Variants in NEBL observed in about 807,000 individuals in gnomAD.
NEBL encodes the protein LIM and SH3 protein 2.
NEBL carries 122 observed loss-of-function variants against 140.2 expected under a neutral mutation model. That is an observed-to-expected ratio of 0.87 (90% confidence interval 0.75 to 1.01). NEBL has a LOEUF of 1.01. Ranked by LOEUF, NEBL falls within the 50% of genes least tolerant of loss-of-function variation. NEBL has a pLI of 0.00. For missense variants in NEBL, 1,365 were observed against 1,231.3 expected, an observed-to-expected ratio of 1.11 and a Z score of -1.62; for synonymous variants, 436 against 398.9, an observed-to-expected ratio of 1.09 and a Z score of -1.11.
At chr10:20,859,435 C>A (rs1490526483) in intron 8 of NEBL, among the ~76,000 whole-genome samples, 5 of 151,864 alleles carry the variant, frequency 3.3e-5, no homozygotes, top group Non-Finnish European at 7.4e-5. Flanking sequence ...TAATACAGAC[C>A]ACTTCTCTGC....
chr10:21,029,536 G>A, intron 2 of NEBL: 3 of 1,607,642 alleles, frequency 1.9e-6, no homozygotes, highest in Non-Finnish European at 2.5e-6. Context: ...TACAGACAGG[G>A]ACGATCGTTC....
intron 1 of NEBL, among the ~76,000 whole-genome samples, chr10:21,292,197 G>C (rs553401995): frequency 4.6e-5 from 7 of 152,088 alleles, no homozygotes; most frequent in Non-Finnish European, 1.0e-4. Flanking sequence ...GCTAATTTAA[G>C]GCTCTGCTTT....
intron 3 of NEBL, among the ~76,000 whole-genome samples, chr10:20,995,046 A>G (rs11012468): frequency 0.12 from 18,589 of 152,224 alleles, 2,129 homozygotes; most frequent in East Asian, 0.38. Context: ...ACCTCTCCCA[A>G]AAGCCAACCA....
intron 2 of NEBL, among the ~76,000 whole-genome samples, chr10:21,170,082 CTAAGCAA>C (rs1841008489): frequency 6.6e-6 from 1 of 152,218 alleles, no homozygotes; most frequent in Non-Finnish European, 1.5e-5. Context: ...TGAACTCGAA[CTAAGCAA>C]TAAGCACTAA....
At chr10:20,908,155 C>G (rs1848180694) in intron 4 of NEBL, among the ~76,000 whole-genome samples, 1 of 152,128 alleles carries the variant, frequency 6.6e-6, no homozygotes, top group Non-Finnish European at 1.5e-5. Context: ...TTCAGACACC[C>G]ATTTCACAGA....
At chr10:20,939,633 G>C (rs1335363100) in intron 4 of NEBL, among the ~76,000 whole-genome samples, 5 of 152,240 alleles carry the variant, frequency 3.3e-5, no homozygotes, top group Admixed American at 6.5e-5. Flanking sequence ...AAAAGGCACA[G>C]ACTGGCAAAT....
At chr10:20,893,392 C>G (rs1219721087) in intron 2 of NEBL, among the ~76,000 whole-genome samples, 1 of 152,076 alleles carries the variant, frequency 6.6e-6, no homozygotes, top group African/African-American at 2.4e-5. Flanking sequence ...ATGTGATTAA[C>G]AGAAAAATAA....
chr10:21,005,772 T>A (rs1838113112), intron 3 of NEBL, among the ~76,000 whole-genome samples: 1 of 152,006 alleles, frequency 6.6e-6, no homozygotes, highest in African/African-American at 2.4e-5. Context: ...ACTATTTTAT[T>A]TATTTTTACA....
In NEBL at chr10:20,800,347, A is replaced by AC. The variant is rs141819325; in HGVS notation, c.2761+8162dup. Among the ~76,000 whole-genome samples the AC allele has an allele frequency of 3.0e-3, 455 of 152,242 alleles. 10 individuals carry two copies. The East Asian group carries it at 0.064, about 21-fold the overall frequency. Reference sequence around the variant, plus strand: ...AATATTCCATTGTATGTGTATATATACACATTTTCTTTACCCATTCATCCT... The same window carrying AC: ...AATATTCCATTGTATGTGTATATATACCACATTTTCTTTACCCATTCATCCT... On this transcript the variant is annotated intron_variant, in intron 26 of 27. Coordinates refer to ENST00000377122, the MANE Select transcript of NEBL (RefSeq NM_006393.3).
intron 2 of NEBL, among the ~76,000 whole-genome samples, chr10:21,133,440 G>A (rs1589268011): frequency 6.6e-6 from 1 of 152,130 alleles, no homozygotes; most frequent in Admixed American, 6.6e-5. Context: ...AGTCCATAAG[G>A]GGTTGATGAA....
At chr10:20,823,622 A>G (rs892514581) in intron 18 of NEBL, among the ~76,000 whole-genome samples, 6 of 152,190 alleles carry the variant, frequency 3.9e-5, no homozygotes, top group Non-Finnish European at 8.8e-5. Flanking sequence ...AAATAAAATG[A>G]TTATTTTCTA....
In NEBL at chr10:21,032,946, G is replaced by A. The variant is rs118130458; in HGVS notation, c.165-12745C>T. On this transcript the variant is annotated intron_variant, in intron 2 of 6. Transcript: ENST00000417816. ...AACCTGACCTACCCTACTATGAAAT[G>A]CTTATCGGCTATTGAAACATGTCAC... is the stretch of plus-strand genomic sequence containing the variant. Among the ~76,000 whole-genome samples, 1,123 of 152,288 alleles carry A rather than the reference G, an allele frequency of 7.4e-3. 42 individuals are homozygous for A. The East Asian group carries it at 0.089, about 12-fold the overall frequency.
At chr10:21,231,430 C>G (rs1358018065) in intron 3 of NEBL, among the ~76,000 whole-genome samples, 1 of 152,008 alleles carries the variant, frequency 6.6e-6, no homozygotes, top group African/African-American at 2.4e-5. Context: ...ATCCCAGCTA[C>G]TCGGAAGGCT....
At chr10:20,921,123 T>C (rs1368126219) in intron 4 of NEBL, among the ~76,000 whole-genome samples, 2 of 152,212 alleles carry the variant, frequency 1.3e-5, no homozygotes, top group Non-Finnish European at 2.9e-5. Context: ...AGTGAAGTTA[T>C]GCCTTTTCCT....
intron 26 of NEBL, among the ~76,000 whole-genome samples, chr10:20,793,106 T>G (rs1306470789): frequency 6.6e-6 from 1 of 152,168 alleles, no homozygotes; most frequent in Non-Finnish European, 1.5e-5. Flanking sequence ...CCAGATTGCC[T>G]CTAGATTTTA....
intron 2 of NEBL, among the ~76,000 whole-genome samples, chr10:20,896,091 T>A (rs1847446037): frequency 6.6e-6 from 1 of 151,974 alleles, no homozygotes. Flanking sequence ...TTCTGATCAT[T>A]TTGCTTATTA....
At chr10:20,882,228 A>AAAGG (rs924679972) in intron 4 of NEBL, among the ~76,000 whole-genome samples, 5 of 151,586 alleles carry the variant, frequency 3.3e-5, no homozygotes, top group Non-Finnish European at 5.9e-5. Context: ...AGGAAAGAAA[A>AAAGG]AAGGAAGGAA....
chr10:21,240,654 T>C (rs1343087090), intron 3 of NEBL, among the ~76,000 whole-genome samples: 2 of 152,186 alleles, frequency 1.3e-5, no homozygotes, highest in African/African-American at 2.4e-5. Context: ...ATGTGTGAAA[T>C]ATAAAAGCAA....
At chr10:20,989,232 C>T (rs1296686945) in intron 3 of NEBL, among the ~76,000 whole-genome samples, 1 of 152,174 alleles carries the variant, frequency 6.6e-6, no homozygotes, top group African/African-American at 2.4e-5. Context: ...CTTAAAATCA[C>T]CATTTCCCCC....
Sources: gnomAD v4.1 joint callset for allele counts (sites outside exome capture counted in the v4.1 genomes callset) on GRCh38, gnomAD v4.1.1 for gene constraint, MANE v1.5 for transcripts, NCBI Gene and HGNC (gene_info 2026-07-23, HGNC 2026-07-21) for gene names.